The following SLC14A2 variants were observed in gnomAD, a reference collection of about 807,000 sequenced individuals.
SLC14A2 encodes urea transporter 2.
In SLC14A2, 91 loss-of-function variants were observed where a neutral mutation model predicts 104.6. The ratio of observed to expected loss-of-function variants is 0.87; its 90% confidence interval spans 0.73 to 1.04. The LOEUF is 1.04. Among genes scored for constraint, SLC14A2 ranks in the 50% least tolerant of loss-of-function variants. SLC14A2 has a pLI of 0.00. For missense variants in SLC14A2, 1,189 were observed against 1,156.0 expected, an observed-to-expected ratio of 1.03 and a Z score of -0.41; for synonymous variants, 476 against 466.4, an observed-to-expected ratio of 1.02 and a Z score of -0.27.
chr18:45,213,845 T>G lies in SLC14A2; in HGVS notation c.-125+654T>G, dbSNP rs549708138. Among the ~76,000 whole-genome samples the G allele has an allele frequency of 2.0e-3, 309 of 152,328 alleles. 2 individuals carry two copies. Among genetic ancestry groups the G allele is most frequent in the African/African-American group, 6.9e-3 (285 of 41,582 alleles). ...GAAAGTATCAACCCATGATTCTCGC[T>G]TTCCCATCATCTGCCCCAGATCTCT... On this transcript the variant is annotated intron_variant, in intron 1 of 20. Coordinates refer to the SLC14A2 transcript ENST00000586448.
At chr18:45,497,115 T>C (rs2043110837) in intron 2 of SLC14A2, among the ~76,000 whole-genome samples, 1 of 152,082 alleles carries the variant, frequency 6.6e-6, no homozygotes, top group African/African-American at 2.4e-5. Context: ...TAAACTCCCA[T>C]ATATATGGGA....
chr18:45,479,840 C>T (rs1549046), intron 1 of SLC14A2, among the ~76,000 whole-genome samples: 61,955 of 152,008 alleles, frequency 0.41, 12,723 homozygotes, highest in Middle Eastern at 0.56. Context: ...GGCCTCTGAG[C>T]CCCCAAAGGT....
At chr18:45,310,271 A>G (rs2085065302) in intron 1 of SLC14A2, among the ~76,000 whole-genome samples, 1 of 152,176 alleles carries the variant, frequency 6.6e-6, no homozygotes, top group Admixed American at 6.5e-5. Context: ...ATCGGATATT[A>G]CCATATTGCT....
intron 1 of SLC14A2, among the ~76,000 whole-genome samples, chr18:45,344,188 A>G (rs1250371826): frequency 1.3e-5 from 2 of 152,170 alleles, no homozygotes; most frequent in Non-Finnish European, 1.5e-5. Flanking sequence ...CACTAAATCA[A>G]TATACACTGA....
At chr18:45,562,948 A>G (rs908356341) in intron 2 of SLC14A2, among the ~76,000 whole-genome samples, 7 of 152,236 alleles carry the variant, frequency 4.6e-5, no homozygotes, top group African/African-American at 9.6e-5. Flanking sequence ...GTCGCCACTG[A>G]AAAAGAAATT....
At chr18:45,337,156 G>A (rs377349462) in intron 1 of SLC14A2, among the ~76,000 whole-genome samples, 1 of 152,152 alleles carries the variant, frequency 6.6e-6, no homozygotes, top group African/African-American at 2.4e-5. Context: ...TGGCTATGAG[G>A]AGTACTTGAA....
At chr18:45,336,481 A>T (rs554988276) in intron 1 of SLC14A2, among the ~76,000 whole-genome samples, 6 of 152,204 alleles carry the variant, frequency 3.9e-5, no homozygotes, top group Admixed American at 3.3e-4. Flanking sequence ...GCTGATATTT[A>T]CAGCACAATA....
rs371437384 is a variant in SLC14A2, at chr18:45,665,688, C to CTTTCTT, written c.1475-446_1475-445insCTTTTT. Among the ~76,000 whole-genome samples the CTTTCTT allele has an allele frequency of 3.2e-3, 250 of 79,290 alleles. 3 individuals are homozygous for CTTTCTT. The highest frequency in any genetic ancestry group is 0.013 in the African/African-American group (242 of 18,122). 52.0% of individuals were successfully genotyped at this position (79,290 alleles called of 152,430 possible). On this transcript the variant is annotated intron_variant, in intron 11 of 19. Transcript: ENST00000255226. ...AAGGGCTTCAACAACAACCAAGTTT[C>CTTTCTT]TTTTTTTTTTTTTTTTTTTTTTTTT...
chr18:45,621,355 C>T (rs1222514751), intron 1 of SLC14A2, among the ~76,000 whole-genome samples: 2 of 151,898 alleles, frequency 1.3e-5, no homozygotes, highest in African/African-American at 4.8e-5. Context: ...ATCTGAATGA[C>T]ATTTGCAGAC....
intron 1 of SLC14A2, among the ~76,000 whole-genome samples, chr18:45,454,819 T>C (rs1018946981): frequency 6.6e-6 from 1 of 152,214 alleles, no homozygotes; most frequent in Admixed American, 6.5e-5. Context: ...GTTATAGATG[T>C]GTGGCGTTAT....
chr18:45,506,333 C>A (rs1420546401), intron 2 of SLC14A2, among the ~76,000 whole-genome samples: 1 of 152,198 alleles, frequency 6.6e-6, no homozygotes, highest in African/African-American at 2.4e-5. Flanking sequence ...AGCCTGATCA[C>A]ACACCAGCAG....
intron 1 of SLC14A2, among the ~76,000 whole-genome samples, chr18:45,439,999 T>G (rs1235776927): frequency 2.0e-5 from 3 of 152,166 alleles, no homozygotes; most frequent in African/African-American, 7.2e-5. Flanking sequence ...TAACTGAGTG[T>G]TTCCCTTTTG....
rs764139587 is a variant in SLC14A2 at position 45,673,700 on chromosome 18, C to T, written c.2395C>T (p.Pro799Ser). 6 of 1,614,090 alleles carry T rather than the reference C, an allele frequency of 3.7e-6. No homozygotes were observed. The highest frequency in any genetic ancestry group is 5.1e-6 in the Non-Finnish European group (6 of 1,179,978). ...TGTCACAGCACTCACTATTGCGACGCCCTTTGACTCCATCTACTTCGGCCT... is the reference window on the plus strand; with the variant it reads ...TGTCACAGCACTCACTATTGCGACGTCCTTTGACTCCATCTACTTCGGCCT... ...GMLAALTIAT[P>S]FDSIYFGLCG... is the part of the protein sequence containing the mutation. The change falls in exon 18 of 20, where the codon CCC becomes TCC. Residue 799 changes from proline (P) to serine (S), a missense_variant. Pro to Ser is a moderately conservative substitution (Grantham distance 74). Transcript: ENST00000255226.
In SLC14A2 at chr18:45,479,416, C is replaced by A. The variant is rs79937942; in HGVS notation, c.-124-3817C>A. Among the ~76,000 whole-genome samples, 825 of 152,284 alleles carry A rather than the reference C, an allele frequency of 5.4e-3. 20 individuals carry two copies. The highest frequency in any genetic ancestry group is 0.039 in the East Asian group (201 of 5,178). On this transcript the variant is annotated intron_variant, in intron 1 of 20. Coordinates refer to the SLC14A2 transcript ENST00000586448. ...TATTTCAGGCCTGTCCTCAAAAGAA[C>A]TTTAACAATGAATTCTCCTTGATCT...
chr18:45,510,126 C>T (rs1049814088), intron 2 of SLC14A2, among the ~76,000 whole-genome samples: 9 of 152,154 alleles, frequency 5.9e-5, no homozygotes, highest in South Asian at 4.1e-4. Context: ...TTTGAGCCTC[C>T]GAGTTCTTAT....
At chr18:45,416,206 A>G (rs1015880935) in intron 1 of SLC14A2, among the ~76,000 whole-genome samples, 1 of 149,454 alleles carries the variant, frequency 6.7e-6, no homozygotes. Flanking sequence ...AGCACTGTAA[A>G]TTAAACCACT....
At chr18:45,454,440 C>T (rs1024252505) in intron 1 of SLC14A2, among the ~76,000 whole-genome samples, 1 of 152,292 alleles carries the variant, frequency 6.6e-6, no homozygotes, top group African/African-American at 2.4e-5. Context: ...AAATTTTCCT[C>T]CCATTCTGTA....
intron 1 of SLC14A2, among the ~76,000 whole-genome samples, chr18:45,279,771 A>G (rs1388810223): frequency 6.6e-6 from 1 of 152,216 alleles, no homozygotes; most frequent in African/African-American, 2.4e-5. Context: ...ACAACCATCC[A>G]AGGCTCACAT....
intron 1 of SLC14A2, among the ~76,000 whole-genome samples, chr18:45,282,205 G>A (rs2084769351): frequency 6.6e-6 from 1 of 152,122 alleles, no homozygotes; most frequent in Non-Finnish European, 1.5e-5. Flanking sequence ...CAGAAGAGAA[G>A]TCCATCAGGC....
Sources: gnomAD v4.1 joint callset for allele counts (sites outside exome capture counted in the v4.1 genomes callset) on GRCh38, gnomAD v4.1.1 for gene constraint, MANE v1.5 for transcripts, NCBI Gene and HGNC (gene_info 2026-07-23, HGNC 2026-07-21) for gene names.